Variants in CPA6 observed in about 807,000 individuals in gnomAD.
CPA6 encodes carboxypeptidase B.
CPA6 carries 58 observed loss-of-function variants against 63.3 expected under a neutral mutation model. The observed-to-expected ratio is 0.92, with a 90% CI of 0.74 to 1.14. The LOEUF is 1.14. Among genes scored for constraint, CPA6 ranks in the 50% most tolerant of loss-of-function variants. The pLI is 0.00. For synonymous variants in CPA6, 185 were observed against 179.0 expected, an observed-to-expected ratio of 1.03 and a Z score of -0.27; for missense variants, 565 against 526.6, an observed-to-expected ratio of 1.07 and a Z score of -0.71.
intron 1 of CPA6, among the ~76,000 whole-genome samples, chr8:67,662,310 AT>A (rs1816127530): frequency 6.6e-6 from 1 of 152,158 alleles, no homozygotes; most frequent in Non-Finnish European, 1.5e-5. Context: ...TTCTGTCTCC[AT>A]CTTGAGTACC....
chr8:67,479,462 G>A (rs777547197), intron 8 of CPA6, among the ~76,000 whole-genome samples: 1 of 152,114 alleles, frequency 6.6e-6, no homozygotes, highest in Non-Finnish European at 1.5e-5. Flanking sequence ...GTTAAAATTT[G>A]TATGCCTTTC....
intron 1 of CPA6, among the ~76,000 whole-genome samples, chr8:67,722,715 T>C (rs972396188): frequency 2.0e-5 from 3 of 152,136 alleles, no homozygotes; most frequent in African/African-American, 7.2e-5. Flanking sequence ...TTGGAGCACT[T>C]GATATTTTTT....
intron 1 of CPA6, among the ~76,000 whole-genome samples, chr8:67,626,470 T>G (rs1815196596): frequency 1.3e-5 from 2 of 152,252 alleles, no homozygotes; most frequent in Non-Finnish European, 2.9e-5. Context: ...TTTACAGCTT[T>G]GATTTCCTCA....
intron 2 of CPA6, among the ~76,000 whole-genome samples, chr8:67,598,318 G>T (rs1162873173): frequency 3.3e-5 from 5 of 152,098 alleles, no homozygotes; most frequent in Non-Finnish European, 5.9e-5. Context: ...ATGTTTTAAA[G>T]AAAATATTTA....
intron 1 of CPA6, among the ~76,000 whole-genome samples, chr8:67,644,688 T>A (rs986039217): frequency 1.3e-5 from 2 of 152,164 alleles, no homozygotes; most frequent in African/African-American, 4.8e-5. Flanking sequence ...CCCAGATTGA[T>A]GAGCAGTGAA....
At chr8:67,475,765 T>C (rs867991913) in intron 8 of CPA6, among the ~76,000 whole-genome samples, 15 of 108,850 alleles carry the variant, frequency 1.4e-4, no homozygotes, top group African/African-American at 4.0e-4. Context: ...TTTTCTTTCT[T>C]TCTCTTTCTT....
intron 1 of CPA6, among the ~76,000 whole-genome samples, chr8:67,689,242 C>T (rs536067494): frequency 6.6e-6 from 1 of 151,182 alleles, no homozygotes; most frequent in Non-Finnish European, 1.5e-5. Context: ...GCATACACAC[C>T]CACGTAGAAC....
At chr8:67,566,797 G>T (rs1213801088) in intron 2 of CPA6, among the ~76,000 whole-genome samples, 2 of 151,148 alleles carry the variant, frequency 1.3e-5, no homozygotes, top group African/African-American at 4.9e-5. Flanking sequence ...TGTGTAGATT[G>T]GTTCCAGTGC....
intron 2 of CPA6, among the ~76,000 whole-genome samples, chr8:67,576,056 A>T (rs1283428328): frequency 6.6e-6 from 1 of 152,178 alleles, no homozygotes; most frequent in African/African-American, 2.4e-5. Flanking sequence ...TGGGGAGATG[A>T]TAATCAAAGC....
intron 6 of CPA6, among the ~76,000 whole-genome samples, chr8:67,498,402 G>T (rs1014831923): frequency 6.6e-6 from 1 of 151,692 alleles, no homozygotes; most frequent in Non-Finnish European, 1.5e-5. Flanking sequence ...AGTGTGTGGT[G>T]GTGCGCACCT....
intron 2 of CPA6, among the ~76,000 whole-genome samples, chr8:67,568,351 A>C (rs755108059): frequency 2.6e-5 from 4 of 152,226 alleles, no homozygotes; most frequent in Non-Finnish European, 4.4e-5. Context: ...GACAGAAAAA[A>C]TGGAGAATAA....
At chr8:67,515,165 A>G (rs536570574) in intron 3 of CPA6, among the ~76,000 whole-genome samples, 1 of 152,294 alleles carries the variant, frequency 6.6e-6, no homozygotes, top group Non-Finnish European at 1.5e-5. Context: ...CCTGCTAAAA[A>G]GTTTGGGTAG....
chr8:67,720,729 G>A (rs994864707), intron 1 of CPA6, among the ~76,000 whole-genome samples: 1 of 152,186 alleles, frequency 6.6e-6, no homozygotes, highest in Non-Finnish European at 1.5e-5. Flanking sequence ...GCCGCATTGT[G>A]TACCCTGAAC....
chr8:67,611,873 C>T (rs1334599848), intron 2 of CPA6, among the ~76,000 whole-genome samples: 1 of 152,198 alleles, frequency 6.6e-6, no homozygotes, highest in Non-Finnish European at 1.5e-5. Flanking sequence ...AGGCCTAAAT[C>T]TCACCCTTCT....
At chr8:67,534,413 A>C (rs1812540158) in intron 2 of CPA6, among the ~76,000 whole-genome samples, 1 of 152,042 alleles carries the variant, frequency 6.6e-6, no homozygotes, top group African/African-American at 2.4e-5. Flanking sequence ...ATATTTATGA[A>C]ACTGTTCTAG....
intron 4 of CPA6, among the ~76,000 whole-genome samples, 182 bp downstream of exon 4, chr8:67,511,359 A>G (rs1324477258): frequency 6.6e-6 from 1 of 152,208 alleles, no homozygotes; most frequent in African/African-American, 2.4e-5. Context: ...TATACCATCA[A>G]AGACTTAATA....
intron 8 of CPA6, among the ~76,000 whole-genome samples, chr8:67,447,105 C>CAT (rs1219424568): frequency 5.3e-5 from 8 of 151,496 alleles, no homozygotes; most frequent in South Asian, 2.1e-4. Context: ...TATATATACA[C>CAT]ATATATATAC....
chr8:67,623,739 AT>A (rs1815133956), intron 2 of CPA6, among the ~76,000 whole-genome samples: 1 of 152,064 alleles, frequency 6.6e-6, no homozygotes, highest in African/African-American at 2.4e-5. Flanking sequence ...CAGCCAGAAA[AT>A]TTTTGAGTAG....
intron 2 of CPA6, among the ~76,000 whole-genome samples, chr8:67,615,943 A>G (rs1451227685): frequency 6.6e-6 from 1 of 152,190 alleles, no homozygotes; most frequent in Non-Finnish European, 1.5e-5. Context: ...AGAAATTACA[A>G]CTGGTTCAGT....
Sources: gnomAD v4.1 joint callset for allele counts (sites outside exome capture counted in the v4.1 genomes callset) on GRCh38, gnomAD v4.1.1 for gene constraint, MANE v1.5 for transcripts, NCBI Gene and HGNC (gene_info 2026-07-23, HGNC 2026-07-21) for gene names.